BIRC6: variants seen among roughly 807,000 people sequenced by gnomAD.
The protein encoded by BIRC6 is dual E2 ubiquitin-conjugating enzyme/E3 ubiquitin-protein ligase BIRC6.
BIRC6 carries 98 observed loss-of-function variants against 503.3 expected under a neutral mutation model. The observed-to-expected ratio is 0.19, with a 90% CI of 0.17 to 0.23. The LOEUF is 0.23. BIRC6 is among the 10% of genes least tolerant of loss of function. The pLI is 1.00. For missense variants in BIRC6, 5,360 were observed against 5,806.0 expected (o/e 0.92, Z 2.50); for synonymous variants, 2,240 against 2,078.7 (o/e 1.08, Z -2.11).
chr2:32,442,246 C>A lies in BIRC6; in HGVS notation c.4106+20C>A. 6.2e-7 allele frequency: 1 copy of A among 1,600,948 alleles called. No individual in the cohort carries two copies. ...CGGAAGGTTAATAATTAAAATTTTG[C>A]TTACCACTGTTGATTGCCTTTTAGA... is the stretch of plus-strand genomic sequence containing the variant. On this transcript the variant is annotated intron_variant, in intron 18 of 73. Coordinates refer to ENST00000421745, the MANE Select transcript of BIRC6 (RefSeq NM_016252.4).
chr2:32,364,889 G>A (rs114860898), intron 1 of BIRC6, among the ~76,000 whole-genome samples: 2,358 of 151,858 alleles, frequency 0.016, 48 homozygotes, highest in African/African-American at 0.055. Flanking sequence ...AAAATGTGCA[G>A]TCTCCCAGTG....
At position 32,384,410 on chromosome 2, in the gene BIRC6, C is replaced by A. The variant is rs1229231820; in HGVS notation, c.645+4120C>A. Among the ~76,000 whole-genome samples, 3 of 145,054 alleles carry A rather than the reference C, an allele frequency of 2.1e-5. No individual in the cohort carries two copies. The Admixed American group carries it at 2.1e-4, about 10-fold the overall frequency. On this transcript the variant is annotated intron_variant, in intron 3 of 73. Transcript: ENST00000421745. ...TTTTTTTTTGCTTTGAAATACTTTTCTTGATCAGAAGCAAAGTTTTCTACA... is the reference window on the plus strand; with the variant it reads ...TTTTTTTTTGCTTTGAAATACTTTTATTGATCAGAAGCAAAGTTTTCTACA...
intron 65 of BIRC6, chr2:32,557,187 A>C (rs2058844289): frequency 6.6e-6 from 1 of 152,220 alleles, no homozygotes; most frequent in African/African-American, 2.4e-5. Context: ...TAATTTCCAA[A>C]GACAGTTTTT....
At chr2:32,502,732 A>T (rs2053341501) in intron 47 of BIRC6, 63 bp from the exon 48 acceptor site, 2 of 1,260,270 alleles carry the variant, frequency 1.6e-6, no homozygotes, top group South Asian at 2.8e-5. Context: ...TATTACATGC[A>T]TTGAGTTTAG....
chr2:32,528,026 G>A (rs933440238), intron 59 of BIRC6: 2 of 152,154 alleles, frequency 1.3e-5, no homozygotes, highest in African/African-American at 4.8e-5. Flanking sequence ...TGTTAATGAG[G>A]CAGATGACTC....
rs763730533 is a variant in BIRC6 at position 32,469,505 on chromosome 2, C to G, written c.6238C>G (p.Leu2080Val). 3 of 1,613,868 alleles carry G rather than the reference C, an allele frequency of 1.9e-6. No individual in the cohort carries two copies. Among genetic ancestry groups the G allele is most frequent in the Middle Eastern group, 1.6e-4 (1 of 6,062 alleles). The change falls in exon 30 of 74, where the codon CTT becomes GTT. Residue 2080 changes from leucine to valine, a missense_variant. By Grantham distance (32) the Leu-to-Val change is conservative (BLOSUM62 1). Coordinates refer to ENST00000421745, the MANE Select transcript of BIRC6 (RefSeq NM_016252.4). ...GTPKIRLHTG[L>V]LLVQLCGGER... The stretch of plus-strand genomic sequence containing the variant: ...CCCAAAGATACGGTTACATACTGGT[C>G]TTCTTCTTGTTCAACTGTGTGGTGG...
chr2:32,419,780 G>A (rs1253817078), intron 10 of BIRC6, among the ~76,000 whole-genome samples: 1 of 152,134 alleles, frequency 6.6e-6, no homozygotes, highest in Non-Finnish European at 1.5e-5. Context: ...AGCCATAATT[G>A]CTTTGAAAGT....
intron 61 of BIRC6, among the ~76,000 whole-genome samples, chr2:32,537,369 A>G (rs962174077): frequency 1.3e-5 from 2 of 152,112 alleles, no homozygotes; most frequent in African/African-American, 4.8e-5. Flanking sequence ...GAAGTAAAGC[A>G]CTCCTCAGCA....
At chr2:32,401,706 G>A in intron 8 of BIRC6, 83 bp downstream of exon 8, 17 of 1,266,940 alleles carry the variant, frequency 1.3e-5, no homozygotes, top group Admixed American at 2.7e-5. Flanking sequence ...AATAATTAAA[G>A]AGGAGGAAAA....
chr2:32,386,242 G>C (rs2038439294), intron 3 of BIRC6, among the ~76,000 whole-genome samples: 1 of 152,078 alleles, frequency 6.6e-6, no homozygotes, highest in Admixed American at 6.6e-5. Context: ...AAAAATATTG[G>C]ATAGAACTGT....
In BIRC6 at chr2:32,525,632, A is replaced by T; in HGVS notation, c.11920+4A>T. The T allele has an allele frequency of 6.2e-7, 1 of 1,607,822 alleles. No homozygotes were observed. Among genetic ancestry groups the T allele is most frequent in the Non-Finnish European group, 8.5e-7 (1 of 1,177,184 alleles). ...CTGTTTCACAAACTCTTGGCAGGTA[A>T]TATTCCTCAATGAATAAACGTCAAA... On this transcript the variant is annotated splice_donor_region_variant and intron_variant, in intron 59 of 73. Transcript: ENST00000421745.
In BIRC6 at chr2:32,416,210, A is replaced by G. The variant is rs13024785; in HGVS notation, c.2872+47A>G. 14,619 of 1,500,098 alleles carry G rather than the reference A, an allele frequency of 9.7e-3. 109 individuals carry two copies. Among genetic ancestry groups the G allele is most frequent in the Non-Finnish European group, 0.011 (12,401 of 1,120,078 alleles). 92.9% of individuals were successfully genotyped at this position (1,500,098 alleles called of 1,614,324 possible). A position where few individuals can be genotyped will look rare whatever the true frequency, so the allele number is the denominator to read the frequency against. ...TAAATCTTATAAAATCCATGTATAT[A>G]TGGCATTTGTTTATGTGCAAACCTA... On this transcript the variant is annotated intron_variant, in intron 10 of 73. Coordinates refer to ENST00000421745, the MANE Select transcript of BIRC6 (RefSeq NM_016252.4).
At chr2:32,583,378 C>G (rs140647773) in intron 66 of BIRC6, among the ~76,000 whole-genome samples, 1 of 152,082 alleles carries the variant, frequency 6.6e-6, no homozygotes, top group East Asian at 1.9e-4. Flanking sequence ...TTTCAAGAGT[C>G]GTGATTTGTA....
rs183036384 is a variant in BIRC6 at position 32,459,260 on chromosome 2, T to A, written c.4754-3934T>A. On this transcript the variant is annotated intron_variant, in intron 23 of 73. Coordinates refer to ENST00000421745, the MANE Select transcript of BIRC6 (RefSeq NM_016252.4). ...AGATTGGAGTTTCATCCATTTAGCC[T>A]GTATCAGTACATTACTCCTTTTTCT... 2.0e-3 allele frequency among the ~76,000 whole-genome samples: 310 copies of A among 152,326 alleles called. 1 individual carries two copies. Among genetic ancestry groups the A allele is most frequent in the African/African-American group, 6.7e-3 (277 of 41,572 alleles).
At chr2:32,601,610 A>G (rs537678966) in intron 70 of BIRC6, among the ~76,000 whole-genome samples, 1 of 152,240 alleles carries the variant, frequency 6.6e-6, no homozygotes, top group East Asian at 1.9e-4. Flanking sequence ...TATTATCCAA[A>G]TCTGTTGGCC....
chr2:32,461,068 T>TTCTCTTCTCTTCTCCTCTCC (rs2047890874), intron 23 of BIRC6, among the ~76,000 whole-genome samples: 46 of 26,828 alleles, frequency 1.7e-3, no homozygotes, highest in East Asian at 4.3e-3. Flanking sequence ...TTCTCTTCTG[T>TTCTCTTCTCTTCTCCTCTCC]TCTCCTCTCC....
At chr2:32,533,945 G>T (rs555393995) in intron 61 of BIRC6, among the ~76,000 whole-genome samples, 1 of 152,272 alleles carries the variant, frequency 6.6e-6, no homozygotes, top group South Asian at 2.1e-4. Context: ...TACAGAGTTT[G>T]GTCTGTAGTT....
chr2:32,571,034 C>G (rs2059880971), intron 65 of BIRC6, among the ~76,000 whole-genome samples: 1 of 151,834 alleles, frequency 6.6e-6, no homozygotes, highest in South Asian at 2.1e-4. Flanking sequence ...TTGTCTCGAT[C>G]TCTTGGTCTC....
intron 6 of BIRC6, among the ~76,000 whole-genome samples, chr2:32,396,184 A>G (rs2039859262): frequency 6.6e-6 from 1 of 152,214 alleles, no homozygotes; most frequent in Non-Finnish European, 1.5e-5. Context: ...AAATCATTTA[A>G]TTCTCATGTT....
Sources: allele counts gnomAD v4.1 joint callset (sites outside exome capture counted in the v4.1 genomes callset), GRCh38; gene constraint gnomAD v4.1.1; transcripts MANE v1.5; gene names NCBI Gene and HGNC (gene_info 2026-07-23, HGNC 2026-07-21).